Variants in IL18R1 observed in about 807,000 individuals in gnomAD.
IL18R1 encodes the protein interleukin-18 receptor 1.
Under a neutral mutation model 48.5 loss-of-function variants are expected in IL18R1, and 40 were observed. The ratio of observed to expected loss-of-function variants is 0.82; its 90% CI spans 0.64 to 1.07. The LOEUF is 1.07. Ranked by LOEUF, IL18R1 falls within the 50% of genes least tolerant of loss-of-function variation. IL18R1 has a pLI of 0.00. For missense variants in IL18R1, 596 were observed against 633.7 expected (o/e 0.94, Z 0.64); for synonymous variants, 232 against 225.9 (o/e 1.03, Z -0.24).
chr2:102,367,747 G>A (rs968390555), intron 2 of IL18R1, 78 bp from the exon 3 acceptor site: 1 of 1,265,876 alleles, frequency 7.9e-7, no homozygotes, highest in African/African-American at 1.5e-5. Flanking sequence ...TTCACCTAAT[G>A]CATTAGGAGA....
chr2:102,368,048 A>C lies in IL18R1; in HGVS notation c.282A>C (p.Gly94=), dbSNP rs1333189016. 1 of 1,614,180 alleles carries C rather than the reference A, an allele frequency of 6.2e-7. No individual in the cohort carries two copies. Among genetic ancestry groups the C allele is most frequent in the Admixed American group, 1.7e-5 (1 of 60,022 alleles). ...GGCCAGTTGAGTTGAATGACACAGGATCTTACTTTTTCCAAATGAAGTGAG... is the reference window on the plus strand; with the variant it reads ...GGCCAGTTGAGTTGAATGACACAGGCTCTTACTTTTTCCAAATGAAGTGAG... ...EFWPVELNDT[G]SYFFQMKNYT... The change falls in exon 3 of 11, where the codon GGA becomes GGC. Residue 94 remains glycine, a synonymous_variant. Coordinates refer to ENST00000233957, the MANE Select transcript of IL18R1 (RefSeq NM_003855.5).
At chr2:102,387,061 C>A (rs894637038) in intron 8 of IL18R1, 61 bp downstream of exon 8, 73 of 1,516,228 alleles carry the variant, frequency 4.8e-5, no homozygotes, top group Non-Finnish European at 6.2e-5. Context: ...AGAGACATTT[C>A]AAAGATGGCC....
intron 6 of IL18R1, 59 bp from the exon 7 acceptor site, chr2:102,384,819 G>A (rs1680129165): frequency 2.5e-6 from 4 of 1,586,732 alleles, no homozygotes; most frequent in Admixed American, 1.8e-5. Flanking sequence ...ATATTGTTTT[G>A]AAACTTTTAA....
chr2:102,370,161 C>T (rs1285479811), intron 3 of IL18R1, among the ~76,000 whole-genome samples: 1 of 152,150 alleles, frequency 6.6e-6, no homozygotes, highest in Non-Finnish European at 1.5e-5. Context: ...TTAACCCTAG[C>T]CTTGGAGCTC....
At chr2:102,380,986 G>A (rs748518824) in intron 5 of IL18R1, among the ~76,000 whole-genome samples, 34 of 152,300 alleles carry the variant, frequency 2.2e-4, no homozygotes, top group Non-Finnish European at 2.4e-4. Context: ...GTTGGGTGAT[G>A]ACTTACTTCC....
chr2:102,355,833 C>A lies in IL18R1; in HGVS notation c.-596C>A, dbSNP rs899695971. 2 of 152,216 alleles carry A rather than the reference C, an allele frequency of 1.3e-5. No homozygotes were observed. The highest frequency in any genetic ancestry group is 4.8e-5 in the African/African-American group (2 of 41,450). 9.4% of individuals were successfully genotyped at this position (152,216 alleles called of 1,614,324 possible). A position where few individuals can be genotyped will look rare whatever the true frequency, so the allele number is the denominator to read the frequency against. ...GCGCGGCTGGGCAGGAAGCGCCAGA[C>A]GCCTGGGGCCCACGCCGTCCGCGGG... On this transcript the variant is annotated 5_prime_UTR_variant, in exon 1 of 11. Coordinates refer to ENST00000233957, the MANE Select transcript of IL18R1 (RefSeq NM_003855.5).
intron 2 of IL18R1, among the ~76,000 whole-genome samples, chr2:102,365,699 C>A (rs1044789475): frequency 2.0e-5 from 3 of 152,222 alleles, no homozygotes; most frequent in African/African-American, 7.2e-5. Context: ...TCCACCCCTG[C>A]AGCAAACTTT....
chr2:102,367,761 A>C (rs1302430960), intron 2 of IL18R1, 64 bp from the exon 3 acceptor site: 1 of 1,503,190 alleles, frequency 6.7e-7, no homozygotes, highest in Non-Finnish European at 9.0e-7. Flanking sequence ...TAGGAGACCA[A>C]AAAAAGTTAC....
intron 4 of IL18R1, among the ~76,000 whole-genome samples, chr2:102,372,734 T>C (rs1450674288): frequency 6.6e-6 from 1 of 152,216 alleles, no homozygotes; most frequent in Non-Finnish European, 1.5e-5. Flanking sequence ...TTTCAGTTTT[T>C]ATGTGCCTGG....
chr2:102,393,285 T>A (rs1329814895), intron 9 of IL18R1, among the ~76,000 whole-genome samples: 1 of 152,214 alleles, frequency 6.6e-6, no homozygotes. Context: ...TACTTACTGA[T>A]TGATAACTGG....
chr2:102,394,334 T>A, intron 9 of IL18R1, 135 bp from the exon 10 acceptor site: 1 of 611,628 alleles, frequency 1.6e-6, no homozygotes, highest in Non-Finnish European at 2.6e-6. Context: ...CATGGGAGGT[T>A]TAAATATAAA....
At chr2:102,365,073 A>C (rs1420429883) in intron 2 of IL18R1, among the ~76,000 whole-genome samples, 3 of 152,100 alleles carry the variant, frequency 2.0e-5, no homozygotes, top group Non-Finnish European at 2.9e-5. Context: ...CCCAAATCTC[A>C]TGCTCTCACA....
chr2:102,372,155 T>C, intron 4 of IL18R1, 37 bp downstream of exon 4: 1 of 1,506,068 alleles, frequency 6.6e-7, no homozygotes, highest in Non-Finnish European at 9.0e-7. Flanking sequence ...TAAGACTTGA[T>C]GGAAAAGATA....
At chr2:102,361,807 G>A (rs1678590344) in intron 1 of IL18R1, among the ~76,000 whole-genome samples, 1 of 152,184 alleles carries the variant, frequency 6.6e-6, no homozygotes, top group Non-Finnish European at 1.5e-5. Flanking sequence ...CACTGTGGGG[G>A]ATCCTTCCTC....
rs1215478477 is a variant in IL18R1 at position 102,390,225 on chromosome 2, A to G, written c.1111+8A>G. 1 of 1,611,704 alleles carries G rather than the reference A, an allele frequency of 6.2e-7. No individual in the cohort carries two copies. Among genetic ancestry groups the G allele is most frequent in the Non-Finnish European group, 8.5e-7 (1 of 1,177,896 alleles). On this transcript the variant is annotated splice_region_variant and intron_variant, in intron 9 of 10. Transcript: ENST00000233957. Reference sequence around the variant, plus strand: ...GAGATGAAACATTAACAGGTAACACATATAATGCTGGAATTTCTTACCTTA... The same window carrying G: ...GAGATGAAACATTAACAGGTAACACGTATAATGCTGGAATTTCTTACCTTA...
intron 8 of IL18R1, 104 bp downstream of exon 8, chr2:102,387,104 C>T: frequency 8.1e-7 from 1 of 1,228,520 alleles, no homozygotes; most frequent in South Asian, 1.4e-5. Context: ...AACCCAGCTC[C>T]TGAGAGGGGA....
chr2:102,370,863 A>G (rs999229958), intron 3 of IL18R1, among the ~76,000 whole-genome samples: 1 of 152,242 alleles, frequency 6.6e-6, no homozygotes, highest in Admixed American at 6.5e-5. Flanking sequence ...GAACTGGAAG[A>G]GCCTAAGGTG....
At chr2:102,389,226 A>G (rs1680422049) in intron 8 of IL18R1, among the ~76,000 whole-genome samples, 1 of 152,210 alleles carries the variant, frequency 6.6e-6, no homozygotes, top group Non-Finnish European at 1.5e-5. Context: ...ATATTCAGAA[A>G]TAATGAGTGA....
At chr2:102,369,325 C>G (rs1417832164) in intron 3 of IL18R1, among the ~76,000 whole-genome samples, 1 of 152,202 alleles carries the variant, frequency 6.6e-6, no homozygotes, top group African/African-American at 2.4e-5. Context: ...ATAACAGAAG[C>G]AAATGGCATT....
Sources: allele counts gnomAD v4.1 joint callset (sites outside exome capture counted in the v4.1 genomes callset), GRCh38; gene constraint gnomAD v4.1.1; transcripts MANE v1.5; gene names NCBI Gene and HGNC (gene_info 2026-07-23, HGNC 2026-07-21).